The following TNIP3 variants were observed in gnomAD, a reference collection of about 807,000 sequenced individuals.
The protein encoded by TNIP3 is TNFAIP3 interacting protein 3, also known as TNFAIP3-interacting protein 3.
Under a neutral mutation model 54.1 loss-of-function variants are expected in TNIP3, and 34 were observed. That is an observed-to-expected ratio of 0.63 (90% confidence interval 0.48 to 0.84). TNIP3 has a LOEUF of 0.84. Ranked by LOEUF, TNIP3 falls within the 40% of genes least tolerant of loss-of-function variation. The pLI is 0.00. For synonymous variants in TNIP3, 134 were observed against 136.8 expected, an observed-to-expected ratio of 0.98 and a Z score of 0.14; for missense variants, 366 against 387.6, an observed-to-expected ratio of 0.94 and a Z score of 0.47.
At chr4:121,176,129 G>A (rs1312645359) in intron 3 of TNIP3, among the ~76,000 whole-genome samples, 2 of 152,226 alleles carry the variant, frequency 1.3e-5, no homozygotes, top group Non-Finnish European at 2.9e-5. Context: ...GTTTAATTTA[G>A]AGGGCTTATA....
At chr4:121,168,526 T>C (rs754389011), upstream of TNIP3, among the ~76,000 whole-genome samples, 4,613 of 143,862 alleles carry the variant, frequency 0.032, 115 homozygotes, top group African/African-American at 0.042. Flanking sequence ...CTTTGCTTTT[T>C]TTTTTTTTTT....
At chr4:121,199,201 A>G (rs1422597415) in intron 2 of TNIP3, among the ~76,000 whole-genome samples, 1 of 152,180 alleles carries the variant, frequency 6.6e-6, no homozygotes, top group Non-Finnish European at 1.5e-5. Flanking sequence ...ATTTAGGGAA[A>G]CCTGGGACAC....
At chr4:121,157,287 G>T (rs1284863815) in intron 3 of TNIP3, 44 bp from the exon 4 acceptor site, 1 of 1,613,184 alleles carries the variant, frequency 6.2e-7, no homozygotes, top group South Asian at 1.1e-5. Context: ...CTTCTCTGAA[G>T]CTCACAAGCC....
chr4:121,140,227 G>A (rs544060136), intron 9 of TNIP3, among the ~76,000 whole-genome samples: 10 of 152,232 alleles, frequency 6.6e-5, no homozygotes, highest in African/African-American at 9.6e-5. Context: ...CCAGCCAGTC[G>A]GGAGGCTGAG....
intron 2 of TNIP3, among the ~76,000 whole-genome samples, chr4:121,196,012 T>A (rs914490623): frequency 6.6e-6 from 1 of 152,226 alleles, no homozygotes; most frequent in Admixed American, 6.5e-5. Flanking sequence ...GCAGGATTCA[T>A]GGAGCCAGGC....
At chr4:121,225,199 A>G (rs1383700393) in intron 1 of TNIP3, among the ~76,000 whole-genome samples, 1 of 152,252 alleles carries the variant, frequency 6.6e-6, no homozygotes. Flanking sequence ...ATGATCCATT[A>G]ACTATGTACT....
At chr4:121,168,913 C>T (rs1295049758), upstream of TNIP3, among the ~76,000 whole-genome samples, 1 of 152,176 alleles carries the variant, frequency 6.6e-6, no homozygotes, top group East Asian at 1.9e-4. Context: ...CCTAGTTCCA[C>T]CACTTGCTAG....
At chr4:121,158,900 G>T (rs964208260) in intron 2 of TNIP3, 148 bp from the exon 3 acceptor site, 8 of 654,920 alleles carry the variant, frequency 1.2e-5, no homozygotes, top group East Asian at 2.7e-5. Flanking sequence ...GATTGTGCTG[G>T]GATGATTAAA....
upstream of TNIP3, among the ~76,000 whole-genome samples, chr4:121,219,906 C>G (rs539356558): frequency 3.9e-5 from 6 of 152,120 alleles, no homozygotes; most frequent in East Asian, 3.8e-4. Context: ...ATAATACCTT[C>G]CTGGAAACTG....
chr4:121,161,237 G>A, intron 1 of TNIP3, 21 bp from the exon 2 acceptor site: 2 of 1,535,292 alleles, frequency 1.3e-6, no homozygotes, highest in Non-Finnish European at 1.8e-6. Context: ...AAAAAAGAGA[G>A]AAGATTGAAA....
At chr4:121,201,720 TATTA>T (rs1474954101) in intron 2 of TNIP3, among the ~76,000 whole-genome samples, 1 of 152,232 alleles carries the variant, frequency 6.6e-6, no homozygotes, top group Non-Finnish European at 1.5e-5. Flanking sequence ...TTCATTTGTA[TATTA>T]ATTAATACAC....
At chr4:121,209,350 A>G (rs1726353925) in intron 2 of TNIP3, among the ~76,000 whole-genome samples, 5 of 152,186 alleles carry the variant, frequency 3.3e-5, no homozygotes, top group Admixed American at 3.3e-4. Flanking sequence ...TGGTCACTGG[A>G]CTTATAACTG....
intron 2 of TNIP3, among the ~76,000 whole-genome samples, chr4:121,158,995 A>G (rs904836917): frequency 2.0e-5 from 3 of 152,100 alleles, no homozygotes. Context: ...TAATCCCACC[A>G]CTCTGGGAGG....
At chr4:121,175,523 T>C (rs1724260993) in intron 3 of TNIP3, among the ~76,000 whole-genome samples, 1 of 152,194 alleles carries the variant, frequency 6.6e-6, no homozygotes, top group African/African-American at 2.4e-5. Flanking sequence ...AGGACTGCTG[T>C]GTTCACTAAG....
upstream of TNIP3, among the ~76,000 whole-genome samples, chr4:121,168,173 G>C (rs1730867571): frequency 6.6e-6 from 1 of 152,076 alleles, no homozygotes; most frequent in African/African-American, 2.4e-5. Flanking sequence ...TAATAAGCAA[G>C]TGGCAAGGTG....
intron 6 of TNIP3, among the ~76,000 whole-genome samples, chr4:121,149,391 A>G (rs1729609667): frequency 1.3e-5 from 2 of 152,256 alleles, no homozygotes; most frequent in Admixed American, 6.5e-5. Context: ...GCGAAGGCCT[A>G]GAGGCTAGCA....
chr4:121,157,394 A>T, intron 3 of TNIP3, 151 bp from the exon 4 acceptor site: 3 of 929,340 alleles, frequency 3.2e-6, no homozygotes, highest in Non-Finnish European at 4.9e-6. Context: ...CCGAACACAG[A>T]TCGGGATACT....
intron 3 of TNIP3, 92 bp from the exon 4 acceptor site, chr4:121,157,335 C>T (rs1730178466): frequency 1.3e-6 from 2 of 1,537,712 alleles, no homozygotes; most frequent in East Asian, 2.3e-5. Flanking sequence ...TTGGCAGAAA[C>T]GCCCCACCCC....
chr4:121,140,169 G>A (rs374559857), intron 9 of TNIP3, among the ~76,000 whole-genome samples: 3 of 151,906 alleles, frequency 2.0e-5, no homozygotes, highest in Non-Finnish European at 2.9e-5. Context: ...CCCCATCTCC[G>A]CTAAAATTAC....
Sources: allele counts gnomAD v4.1 joint callset (sites outside exome capture counted in the v4.1 genomes callset), GRCh38; gene constraint gnomAD v4.1.1; transcripts MANE v1.5; gene names NCBI Gene and HGNC (gene_info 2026-07-23, HGNC 2026-07-21).